ACSS3: variants seen among roughly 807,000 people sequenced by gnomAD.
ACSS3 encodes acyl-CoA synthetase short-chain family member 3, mitochondrial.
Under a neutral mutation model 84.2 loss-of-function variants are expected in ACSS3, and 64 were observed. The ratio of observed to expected loss-of-function variants is 0.76; its 90% CI spans 0.62 to 0.94. The LOEUF (loss-of-function observed/expected upper bound fraction) is 0.94. Ranked by LOEUF, ACSS3 falls within the 40% of genes least tolerant of loss-of-function variation. ACSS3 has a pLI of 0.00. For synonymous variants in ACSS3, 317 were observed against 310.1 expected, an observed-to-expected ratio of 1.02 and a Z score of -0.23; for missense variants, 815 against 867.6, an observed-to-expected ratio of 0.94 and a Z score of 0.76.
chr12:81,217,953 T>G (rs73156013), intron 10 of ACSS3, among the ~76,000 whole-genome samples: 6 of 152,346 alleles, frequency 3.9e-5, no homozygotes, highest in Non-Finnish European at 8.8e-5. Flanking sequence ...ATCCTGTCAA[T>G]TTTTGTTTTT....
At chr12:81,098,129 TGAGA>T (rs769661021) in intron 1 of ACSS3, among the ~76,000 whole-genome samples, 3,226 of 135,134 alleles carry the variant, frequency 0.024, 79 homozygotes, top group South Asian at 0.11. Flanking sequence ...GGTCCCAGTA[TGAGA>T]GAGAGAGAGA....
chr12:81,185,268 A>G (rs963931964), intron 8 of ACSS3, among the ~76,000 whole-genome samples: 1 of 151,744 alleles, frequency 6.6e-6, no homozygotes, highest in African/African-American at 2.4e-5. Context: ...GAGAACTGAA[A>G]ACTTCCACTA....
intron 1 of ACSS3, chr12:81,094,749 T>C (rs1326056190): frequency 6.6e-6 from 1 of 152,216 alleles, no homozygotes; most frequent in East Asian, 1.9e-4. Flanking sequence ...GAGAAAGAAA[T>C]GGATAGTTAA....
At chr12:81,202,736 G>A (rs1175892702) in intron 9 of ACSS3, among the ~76,000 whole-genome samples, 1 of 152,130 alleles carries the variant, frequency 6.6e-6, no homozygotes, top group African/African-American at 2.4e-5. Context: ...GTACAAATGA[G>A]CTGCTTAGAA....
chr12:81,253,062 T>C (rs1398468273), intron 13 of ACSS3, among the ~76,000 whole-genome samples: 2 of 152,216 alleles, frequency 1.3e-5, no homozygotes, highest in Non-Finnish European at 2.9e-5. Flanking sequence ...GCAATTTATC[T>C]TAATTACTGT....
At chr12:81,221,570 T>A (rs1413776402) in intron 11 of ACSS3, among the ~76,000 whole-genome samples, 2 of 152,120 alleles carry the variant, frequency 1.3e-5, no homozygotes, top group East Asian at 1.9e-4. Flanking sequence ...TCAGTAAACA[T>A]GTAAGCACTA....
At chr12:81,190,587 C>T (rs931362041) in intron 8 of ACSS3, among the ~76,000 whole-genome samples, 17 of 151,746 alleles carry the variant, frequency 1.1e-4, no homozygotes, top group Non-Finnish European at 1.6e-4. Flanking sequence ...TCTTTTATGC[C>T]GTTTATTTCT....
intron 10 of ACSS3, 62 bp from the exon 11 acceptor site, chr12:81,219,951 G>A: frequency 8.7e-7 from 1 of 1,154,258 alleles, no homozygotes; most frequent in Non-Finnish European, 1.2e-6. Context: ...TAAAAATATA[G>A]AAAAATGTTT....
At chr12:81,161,850 C>T (rs1004739697) in intron 7 of ACSS3, among the ~76,000 whole-genome samples, 1 of 152,112 alleles carries the variant, frequency 6.6e-6, no homozygotes, top group African/African-American at 2.4e-5. Context: ...GTCAGGCACA[C>T]TGGTTGTTAA....
At chr12:81,159,238 AT>A (rs964267950) in intron 7 of ACSS3, among the ~76,000 whole-genome samples, 1 of 151,994 alleles carries the variant, frequency 6.6e-6, no homozygotes, top group Non-Finnish European at 1.5e-5. Flanking sequence ...TGAGAGGGAA[AT>A]TTATAGCACT....
chr12:81,086,331 T>G (rs1340636436), intron 1 of ACSS3, among the ~76,000 whole-genome samples: 4 of 152,204 alleles, frequency 2.6e-5, no homozygotes, highest in Non-Finnish European at 5.9e-5. Context: ...AAAAATTGCC[T>G]GTTAGAAATA....
At chr12:81,243,138 G>T (rs922016322) in intron 13 of ACSS3, among the ~76,000 whole-genome samples, 1 of 152,080 alleles carries the variant, frequency 6.6e-6, no homozygotes, top group Non-Finnish European at 1.5e-5. Context: ...ATCTCCTTAA[G>T]CTGATAAGCA....
chr12:81,118,865 G>A (rs771078735), intron 2 of ACSS3, among the ~76,000 whole-genome samples: 4 of 152,112 alleles, frequency 2.6e-5, no homozygotes, highest in Non-Finnish European at 5.9e-5. Flanking sequence ...TTTGCCCAGT[G>A]AGAAATACAA....
At chr12:81,199,860 T>A (rs976397772) in intron 9 of ACSS3, 5 of 394,994 alleles carry the variant, frequency 1.3e-5, no homozygotes, top group African/African-American at 1.1e-4. Context: ...TCTCTCTGCT[T>A]TTTGATACAC....
At chr12:81,142,776 T>A (rs1407905613) in intron 4 of ACSS3, among the ~76,000 whole-genome samples, 2 of 152,220 alleles carry the variant, frequency 1.3e-5, no homozygotes, top group Non-Finnish European at 2.9e-5. Context: ...TTAGTGTACA[T>A]ACATCTATAA....
At chr12:81,086,389 G>T (rs1208957239) in intron 1 of ACSS3, among the ~76,000 whole-genome samples, 1 of 152,056 alleles carries the variant, frequency 6.6e-6, no homozygotes, top group Non-Finnish European at 1.5e-5. Context: ...TTAAAAGATG[G>T]GCCTTATTTT....
chr12:81,218,930 TATA>T (rs919717025), intron 10 of ACSS3, among the ~76,000 whole-genome samples: 136 of 151,998 alleles, frequency 8.9e-4, no homozygotes, highest in African/African-American at 3.1e-3. Context: ...TATTAAATAG[TATA>T]ATAATAAAAA....
rs2034275776 is a variant in ACSS3, at chr12:81,255,712, A to C, written c.*790A>C. 1 of 152,200 alleles carries C rather than the reference A, an allele frequency of 6.6e-6. No homozygotes were observed. Among genetic ancestry groups the C allele is most frequent in the South Asian group, 2.1e-4 (1 of 4,820 alleles). 9.4% of individuals were successfully genotyped at this position (152,200 alleles called of 1,614,324 possible). A position where few individuals can be genotyped will look rare whatever the true frequency, so the allele number is the denominator to read the frequency against. ...GCGGGAGGCTGAGGCAAGGAGAATC[A>C]CTTGAATACAAGAGGCAGAGGTTGC... On this transcript the variant is annotated 3_prime_UTR_variant, in exon 16 of 16. Coordinates refer to ENST00000548058, the MANE Select transcript of ACSS3 (RefSeq NM_024560.4).
At chr12:81,119,542 G>A (rs990674385) in intron 2 of ACSS3, among the ~76,000 whole-genome samples, 10 of 152,002 alleles carry the variant, frequency 6.6e-5, no homozygotes, top group East Asian at 1.9e-4. Context: ...CTCGCAGAGC[G>A]GCTGTTTATA....
Sources: gnomAD v4.1 joint callset for allele counts (sites outside exome capture counted in the v4.1 genomes callset) on GRCh38, gnomAD v4.1.1 for gene constraint, MANE v1.5 for transcripts, NCBI Gene and HGNC (gene_info 2026-07-23, HGNC 2026-07-21) for gene names.